SP110: variants seen among roughly 807,000 people sequenced by gnomAD.
SP110 encodes SP110 nuclear body protein.
A neutral mutation model predicts 92.7 loss-of-function variants in SP110; 62 were observed. The ratio of observed to expected loss-of-function variants is 0.67; its 90% CI spans 0.55 to 0.83. The LOEUF (loss-of-function observed/expected upper bound fraction) is 0.83, where lower values mean the gene tolerates loss of function less well. Among genes scored for constraint, SP110 ranks in the 40% least tolerant of loss-of-function variants. The pLI is 0.00. For synonymous variants in SP110, 273 were observed against 305.3 expected, an observed-to-expected ratio of 0.89 and a Z score of 1.10; for missense variants, 793 against 863.9, an observed-to-expected ratio of 0.92 and a Z score of 1.03.
At chr2:230,179,318 G>A (rs1348189493) in intron 12 of SP110, among the ~76,000 whole-genome samples, 1 of 152,130 alleles carries the variant, frequency 6.6e-6, no homozygotes, top group Non-Finnish European at 1.5e-5. Context: ...GCAAGGCTAG[G>A]CATGGGGGTG....
chr2:230,171,008 A>T (rs1483783608), intron 17 of SP110: 1 of 576,322 alleles, frequency 1.7e-6, no homozygotes, highest in Non-Finnish European at 3.1e-6. Flanking sequence ...AAACCGAGGG[A>T]TGGAGAGGTC....
chr2:230,199,693 T>G (rs188307473), intron 10 of SP110, among the ~76,000 whole-genome samples: 63 of 152,264 alleles, frequency 4.1e-4, no homozygotes, highest in African/African-American at 1.5e-3. Flanking sequence ...AGAGACCAAA[T>G]AGTTTCTTCT....
chr2:230,204,851 T>A (rs1314717843), intron 8 of SP110, among the ~76,000 whole-genome samples: 7 of 151,294 alleles, frequency 4.6e-5, no homozygotes, highest in Non-Finnish European at 7.4e-5. Flanking sequence ...TTATGGGGAG[T>A]AGTGTAGGTT....
At chr2:230,193,738 T>G (rs558267009) in intron 10 of SP110, among the ~76,000 whole-genome samples, 1 of 152,320 alleles carries the variant, frequency 6.6e-6, no homozygotes, top group East Asian at 1.9e-4. Flanking sequence ...TTTTTCATCC[T>G]TGCAAATAGT....
chr2:230,215,157 A>C, intron 2 of SP110, 39 bp from the exon 3 acceptor site: 1 of 1,491,964 alleles, frequency 6.7e-7, no homozygotes, highest in Non-Finnish European at 9.3e-7. Flanking sequence ...AATGACTATA[A>C]AATTGAATGG....
intron 12 of SP110, among the ~76,000 whole-genome samples, chr2:230,181,894 C>T (rs2042143547): frequency 6.6e-6 from 1 of 152,180 alleles, no homozygotes. Flanking sequence ...GACCTCGAAG[C>T]AATTCCTCAA....
At chr2:230,212,459 T>C in intron 4 of SP110, 29 bp from the exon 5 acceptor site, 1 of 1,502,964 alleles carries the variant, frequency 6.7e-7, no homozygotes. Flanking sequence ...TTATTACAGA[T>C]TGCAGGGACT....
At chr2:230,193,601 C>A (rs2148805201) in intron 10 of SP110, among the ~76,000 whole-genome samples, 1 of 152,320 alleles carries the variant, frequency 6.6e-6, no homozygotes, top group South Asian at 2.1e-4. Context: ...CTTTATTTCT[C>A]CTTCATTCAT....
chr2:230,196,822 A>T (rs1430464980), intron 10 of SP110, among the ~76,000 whole-genome samples: 5 of 151,730 alleles, frequency 3.3e-5, no homozygotes, highest in African/African-American at 1.2e-4. Context: ...AATAGTTTGC[A>T]GAGAATGATG....
Position 230,169,059 on chromosome 2 carries a change from G to C in SP110, c.*65C>G, listed in dbSNP as rs201363371. ...ATCCCAGACTCACTGGCAATCAACA[G>C]TCCAAGCCAGGGTCCCATCAGCTGA... On this transcript the variant is annotated 3_prime_UTR_variant, in exon 19 of 19. Transcript: ENST00000258381. 2.7e-6 allele frequency: 3 copies of C among 1,105,040 alleles called. No individual in the cohort carries two copies. The highest frequency in any genetic ancestry group is 4.2e-6 in the Non-Finnish European group (3 of 717,574). The allele number at this position is 1,105,040 out of a possible 1,614,324, so 68.5% of individuals were successfully genotyped here. A position where few individuals can be genotyped will look rare whatever the true frequency, so the allele number is the denominator to read the frequency against.
intron 8 of SP110, among the ~76,000 whole-genome samples, chr2:230,204,260 CAA>C (rs1184345355): frequency 6.6e-6 from 1 of 152,170 alleles, no homozygotes; most frequent in African/African-American, 2.4e-5. Context: ...CCCTCTCTAA[CAA>C]AGTCACTTCT....
chr2:230,191,798 C>A (rs535058023), intron 10 of SP110, among the ~76,000 whole-genome samples: 2 of 152,268 alleles, frequency 1.3e-5, no homozygotes, highest in Admixed American at 1.3e-4. Flanking sequence ...CCAGCATCAT[C>A]CTGATACCAA....
At position 230,186,109 on chromosome 2, in the gene SP110, C is replaced by A; in HGVS notation, c.1164G>T (p.Lys388Asn). Residue 388 changes from lysine (K) to asparagine (N), a missense_variant, in exon 11 of 19, where the codon AAG (lysine) becomes AAT (asparagine). Physicochemically the swap from Lys to Asn is moderately conservative, Grantham distance 94. Coordinates refer to ENST00000258381, the MANE Select transcript of SP110 (RefSeq NM_080424.4). ...GAGTCACCTTATCCACCACTTGGAG[C>A]TTCTCTTGGATGCCATGCCCAGGTG... ...AASPGHGIQEKLQVVDKVTQR... is the reference protein window; with the variant it reads ...AASPGHGIQENLQVVDKVTQR... The A allele has an allele frequency of 1.2e-6, 2 of 1,614,168 alleles. No homozygotes were observed. The highest frequency in any genetic ancestry group is 1.7e-6 in the Non-Finnish European group (2 of 1,180,020).
chr2:230,176,701 T>TG, intron 14 of SP110: 1 of 1,614,044 alleles, frequency 6.2e-7, no homozygotes. Context: ...GATTTATTCT[T>TG]GGAGGACAGA....
chr2:230,184,916 G>A (rs1367992869), intron 11 of SP110, among the ~76,000 whole-genome samples: 1 of 152,218 alleles, frequency 6.6e-6, no homozygotes, highest in Non-Finnish European at 1.5e-5. Flanking sequence ...CCTACTGCCT[G>A]TTTATGTAAA....
intron 10 of SP110, among the ~76,000 whole-genome samples, chr2:230,188,128 G>A (rs902155580): frequency 6.6e-6 from 1 of 152,174 alleles, no homozygotes; most frequent in Non-Finnish European, 1.5e-5. Context: ...AACATGGGAT[G>A]TGTTTCTATA....
intron 10 of SP110, among the ~76,000 whole-genome samples, chr2:230,197,735 G>A (rs2042944948): frequency 1.3e-5 from 2 of 152,048 alleles, no homozygotes; most frequent in Admixed American, 1.3e-4. Flanking sequence ...GTGTAAGGAA[G>A]GGATCCAGTT....
chr2:230,205,161 A>G (rs1004781172), intron 8 of SP110, among the ~76,000 whole-genome samples: 10 of 152,192 alleles, frequency 6.6e-5, no homozygotes, highest in African/African-American at 2.4e-4. Context: ...TCAATATGCT[A>G]ATAGAGTTCA....
Position 230,192,261 on chromosome 2 carries a change from CA to C in SP110, c.1130-6119del, listed in dbSNP as rs2042669331. Among the ~76,000 whole-genome samples, 3 of 152,284 alleles carry C rather than the reference CA, an allele frequency of 2.0e-5. No homozygotes were observed. In the South Asian group the frequency reaches 6.2e-4, roughly 32 times the overall value. Reference sequence around the variant, plus strand: ...GCCCTCTCTCACCATTCCTATTCAACATAGTATTAGAAGTTCTGGCCAGCAC... The same window carrying C: ...GCCCTCTCTCACCATTCCTATTCAACTAGTATTAGAAGTTCTGGCCAGCAC... On this transcript the variant is annotated intron_variant, in intron 10 of 18. Transcript: ENST00000258381.
Sources: gnomAD v4.1 joint callset for allele counts (sites outside exome capture counted in the v4.1 genomes callset) on GRCh38, gnomAD v4.1.1 for gene constraint, MANE v1.5 for transcripts, NCBI Gene and HGNC (gene_info 2026-07-23, HGNC 2026-07-21) for gene names.